Variants in PTPRK observed in about 807,000 individuals in gnomAD.
PTPRK encodes protein tyrosine phosphatase receptor type K.
In PTPRK, 75 loss-of-function variants were observed where a neutral mutation model predicts 178.0. The observed-to-expected ratio is 0.42, with a 90% CI of 0.35 to 0.51. PTPRK has a LOEUF of 0.51. Among genes scored for constraint, PTPRK ranks in the 20% least tolerant of loss-of-function variants. The pLI is 0.02. For missense variants in PTPRK, 1,441 were observed against 1,797.8 expected, an observed-to-expected ratio of 0.80 and a Z score of 3.59; for synonymous variants, 637 against 620.6, an observed-to-expected ratio of 1.03 and a Z score of -0.39.
chr6:128,082,343 T>A lies in PTPRK; in HGVS notation c.1777+94A>T. ...TATATTAAAGGTTCAACAAGCAAGA[T>A]GAACTACACTTGGTTTATATGTGAT... On this transcript the variant is annotated intron_variant, in intron 10 of 29. Transcript: ENST00000368226. 5 of 1,168,270 alleles carry A rather than the reference T, an allele frequency of 4.3e-6. No homozygotes were observed. In the South Asian group the frequency reaches 6.4e-5, roughly 15 times the overall value. The allele number at this position is 1,168,270 out of a possible 1,614,324, so 72.4% of individuals were successfully genotyped here.
At chr6:128,470,926 T>TA (rs397720852) in intron 1 of PTPRK, among the ~76,000 whole-genome samples, 8 of 149,790 alleles carry the variant, frequency 5.3e-5, no homozygotes, top group South Asian at 2.1e-4. Flanking sequence ...TTTTTTTTTT[T>TA]AAAGGAGAGA....
chr6:128,037,485 C>G (rs554657900), intron 13 of PTPRK, among the ~76,000 whole-genome samples: 48 of 152,268 alleles, frequency 3.2e-4, no homozygotes, highest in African/African-American at 1.2e-3. Flanking sequence ...ATCTGCCTAT[C>G]AAGATTTAAG....
intron 1 of PTPRK, among the ~76,000 whole-genome samples, chr6:128,411,091 C>T (rs913661556): frequency 3.9e-5 from 6 of 152,128 alleles, no homozygotes; most frequent in African/African-American, 1.4e-4. Context: ...CAGGGTGCTG[C>T]CATGCTGCCC....
At chr6:128,228,118 TAA>T (rs923078192) in intron 5 of PTPRK, among the ~76,000 whole-genome samples, 1 of 127,812 alleles carries the variant, frequency 7.8e-6, no homozygotes. Context: ...AAAGTCTAAT[TAA>T]AAAAAAAAAG....
At chr6:128,060,315 T>A (rs1035943093) in intron 13 of PTPRK, among the ~76,000 whole-genome samples, 2 of 152,174 alleles carry the variant, frequency 1.3e-5, no homozygotes, top group African/African-American at 4.8e-5. Flanking sequence ...TTTAAAGACA[T>A]CCACCAATGA....
chr6:128,262,734 T>A (rs1431761683), intron 3 of PTPRK, among the ~76,000 whole-genome samples: 6 of 152,016 alleles, frequency 3.9e-5, no homozygotes, highest in African/African-American at 1.5e-4. Context: ...ATACGAAAAG[T>A]CTTTTTTGTG....
At chr6:128,268,669 A>C (rs1395399990) in intron 3 of PTPRK, among the ~76,000 whole-genome samples, 4 of 152,084 alleles carry the variant, frequency 2.6e-5, no homozygotes, top group African/African-American at 9.7e-5. Context: ...TTTGTTTTAC[A>C]ATCTCTAAAA....
chr6:128,034,968 T>C (rs1775962947), intron 13 of PTPRK, among the ~76,000 whole-genome samples: 1 of 152,186 alleles, frequency 6.6e-6, no homozygotes, highest in Non-Finnish European at 1.5e-5. Flanking sequence ...ACATGAAAAT[T>C]TGCAAACTAC....
At chr6:128,041,293 A>T (rs990378825) in intron 13 of PTPRK, among the ~76,000 whole-genome samples, 1 of 152,032 alleles carries the variant, frequency 6.6e-6, no homozygotes, top group Non-Finnish European at 1.5e-5. Flanking sequence ...GATCCAATTA[A>T]CTTTCTACTC....
intron 5 of PTPRK, among the ~76,000 whole-genome samples, chr6:128,229,863 G>A (rs1812007584): frequency 6.6e-6 from 1 of 152,164 alleles, no homozygotes; most frequent in Admixed American, 6.5e-5. Context: ...AGCAAAGATT[G>A]GAGCATGTAT....
At chr6:128,131,493 T>G (rs968100675) in intron 7 of PTPRK, among the ~76,000 whole-genome samples, 1 of 152,182 alleles carries the variant, frequency 6.6e-6, no homozygotes, top group Non-Finnish European at 1.5e-5. Context: ...GCCTATTAAC[T>G]ACTTTTCAAC....
intron 1 of PTPRK, chr6:128,518,890 G>A (rs575415313): frequency 2.3e-6 from 1 of 436,132 alleles, no homozygotes; most frequent in South Asian, 1.7e-5. Flanking sequence ...AATGGGGCGG[G>A]GGTAGGAGAG....
intron 1 of PTPRK, among the ~76,000 whole-genome samples, chr6:128,436,077 G>GA (rs1457984590): frequency 6.6e-6 from 1 of 151,182 alleles, no homozygotes; most frequent in African/African-American, 2.4e-5. Flanking sequence ...CAAAAGATAT[G>GA]AAAAAAATCA....
At chr6:128,180,020 C>T (rs1801662338) in intron 7 of PTPRK, among the ~76,000 whole-genome samples, 1 of 151,900 alleles carries the variant, frequency 6.6e-6, no homozygotes, top group African/African-American at 2.4e-5. Flanking sequence ...AGTAGTTTTC[C>T]CAACTGCATA....
intron 7 of PTPRK, among the ~76,000 whole-genome samples, chr6:128,131,999 A>T (rs1794320476): frequency 6.6e-6 from 1 of 152,172 alleles, no homozygotes; most frequent in Admixed American, 6.5e-5. Context: ...TTAAAGGTCA[A>T]ATCAATTTTT....
At chr6:128,330,906 A>G (rs2128325607) in intron 2 of PTPRK, among the ~76,000 whole-genome samples, 1 of 151,514 alleles carries the variant, frequency 6.6e-6, no homozygotes, top group African/African-American at 2.4e-5. Context: ...AAAACAAAAA[A>G]ACACCTAAGT....
At chr6:128,265,505 T>G (rs1818811196) in intron 3 of PTPRK, among the ~76,000 whole-genome samples, 1 of 152,114 alleles carries the variant, frequency 6.6e-6, no homozygotes, top group Non-Finnish European at 1.5e-5. Context: ...ATATTACTGA[T>G]GAAGACATAG....
intron 2 of PTPRK, among the ~76,000 whole-genome samples, chr6:128,383,472 T>G (rs145384453): frequency 6.6e-6 from 1 of 152,206 alleles, no homozygotes; most frequent in Non-Finnish European, 1.5e-5. Flanking sequence ...AATAGTATAG[T>G]GCATTAACAA....
intron 2 of PTPRK, among the ~76,000 whole-genome samples, chr6:128,360,556 G>A (rs577525708): frequency 4.6e-5 from 7 of 152,162 alleles, no homozygotes; most frequent in Admixed American, 1.3e-4. Context: ...AACCTAATAA[G>A]TATGGTGAAT....
Sources: gnomAD v4.1 joint callset for allele counts (sites outside exome capture counted in the v4.1 genomes callset) on GRCh38, gnomAD v4.1.1 for gene constraint, MANE v1.5 for transcripts, NCBI Gene and HGNC (gene_info 2026-07-23, HGNC 2026-07-21) for gene names.